FLI1: variants seen among roughly 807,000 people sequenced by gnomAD.
FLI1 encodes the protein Fli-1 proto-oncogene, ETS transcription factor, also known as Friend leukemia integration 1 transcription factor.
FLI1 carries 13 observed loss-of-function variants against 53.1 expected under a neutral mutation model. The observed-to-expected ratio is 0.24, with a 90% CI of 0.16 to 0.39. The LOEUF is 0.39. FLI1 is among the 10% of genes least tolerant of loss of function. The pLI is 1.00. For synonymous variants in FLI1, 244 were observed against 236.7 expected (o/e 1.03, Z -0.28); for missense variants, 424 against 600.5 (o/e 0.71, Z 3.07).
At chr11:128,703,267 A>G (rs959470963) in intron 1 of FLI1, among the ~76,000 whole-genome samples, 1 of 152,246 alleles carries the variant, frequency 6.6e-6, no homozygotes, top group Non-Finnish European at 1.5e-5. Context: ...TCCACAGAGC[A>G]ACATCTATTT....
intron 6 of FLI1, 188 bp downstream of exon 6, chr11:128,805,619 G>A (rs570983754): frequency 8.3e-5 from 45 of 539,306 alleles, no homozygotes; most frequent in Admixed American, 6.8e-4. Flanking sequence ...TGGGATTTTC[G>A]TTTAGATTTT....
chr11:128,747,216 T>C (rs1406470410), intron 1 of FLI1, among the ~76,000 whole-genome samples: 1 of 152,230 alleles, frequency 6.6e-6, no homozygotes, highest in East Asian at 1.9e-4. Flanking sequence ...ACCTGCCCTT[T>C]CTTTGTCCCA....
intron 2 of FLI1, among the ~76,000 whole-genome samples, chr11:128,767,905 G>C (rs111706367): frequency 5.3e-5 from 8 of 152,182 alleles, no homozygotes; most frequent in East Asian, 1.9e-4. Flanking sequence ...CAGTTTTTAC[G>C]TACTGTAATT....
chr11:128,803,569 T>G (rs1279040614), intron 5 of FLI1, among the ~76,000 whole-genome samples: 1 of 152,180 alleles, frequency 6.6e-6, no homozygotes, highest in Non-Finnish European at 1.5e-5. Flanking sequence ...TTATGTGTCC[T>G]CCATGCCTTA....
intron 1 of FLI1, among the ~76,000 whole-genome samples, chr11:128,709,583 G>A (rs147163903): frequency 2.3e-4 from 35 of 152,246 alleles, no homozygotes; most frequent in African/African-American, 6.5e-4. Flanking sequence ...GGGGGTTTAC[G>A]TAAAAACCGA....
chr11:128,794,847 G>A lies in FLI1; in HGVS notation c.656-10519G>A, dbSNP rs528868826. ...TCTCAACATTTTGGGAGGTCGAGGT[G>A]GAAAGATCACTTAAACTCAGGAGTT... On this transcript the variant is annotated intron_variant, in intron 5 of 8. Transcript: ENST00000527786. Among the ~76,000 whole-genome samples the A allele has an allele frequency of 7.9e-5, 12 of 152,220 alleles. No individual in the cohort carries two copies. The South Asian group carries it at 2.3e-3, about 29-fold the overall frequency.
At chr11:128,720,569 C>G (rs764636910) in intron 1 of FLI1, among the ~76,000 whole-genome samples, 1 of 152,132 alleles carries the variant, frequency 6.6e-6, no homozygotes, top group Non-Finnish European at 1.5e-5. Context: ...GATGGAAGCC[C>G]GTCCAAGACC....
rs772620694 is a variant in FLI1 at position 128,807,202 on chromosome 11, A to G, written c.744A>G (p.Gln248=). The G allele has an allele frequency of 1.2e-6, 2 of 1,600,614 alleles. No homozygotes were observed. Among genetic ancestry groups the G allele is most frequent in the Non-Finnish European group, 1.7e-6 (2 of 1,173,134 alleles). The change falls in exon 7 of 9, where the codon CAA becomes CAG. Residue 248 remains glutamine, a synonymous_variant. Transcript: ENST00000527786. ...CAGGTCCTCCCCTTGGAGGGGCACA[A>G]ACGATCAGTAAGAATACAGAGCAAC... is the stretch of plus-strand genomic sequence containing the variant. ...LNKSPPLGGA[Q]TISKNTEQRP...
intron 8 of FLI1, among the ~76,000 whole-genome samples, chr11:128,809,554 C>G (rs947132549): frequency 6.6e-6 from 1 of 152,176 alleles, no homozygotes; most frequent in African/African-American, 2.4e-5. Flanking sequence ...AGTTGTCTCC[C>G]GCATGCCAGG....
chr11:128,782,144 C>A (rs1591808954), intron 5 of FLI1, 121 bp downstream of exon 5: 1 of 824,492 alleles, frequency 1.2e-6, no homozygotes, highest in Non-Finnish European at 1.9e-6. Flanking sequence ...TCCTAGCATA[C>A]AAAGACAAGC....
chr11:128,706,873 C>A (rs1489048171), intron 1 of FLI1, among the ~76,000 whole-genome samples: 1 of 152,174 alleles, frequency 6.6e-6, no homozygotes, highest in Admixed American at 6.5e-5. Flanking sequence ...GGGTAAACAA[C>A]AAAACAAATG....
At chr11:128,766,595 A>G (rs1013245743) in intron 2 of FLI1, among the ~76,000 whole-genome samples, 21 of 151,840 alleles carry the variant, frequency 1.4e-4, no homozygotes, top group African/African-American at 5.1e-4. Context: ...TCTTTATTGA[A>G]TGTGCTCAGG....
chr11:128,740,947 T>G (rs1238052501), intron 1 of FLI1, among the ~76,000 whole-genome samples: 2 of 152,202 alleles, frequency 1.3e-5, no homozygotes, highest in African/African-American at 2.4e-5. Context: ...GATCCCGTTC[T>G]CATGCCAACG....
intron 5 of FLI1, among the ~76,000 whole-genome samples, chr11:128,782,561 G>A (rs1941949394): frequency 6.6e-6 from 1 of 152,116 alleles, no homozygotes; most frequent in African/African-American, 2.4e-5. Context: ...AGCCAGGTGT[G>A]GTGGCAGGTA....
intron 4 of FLI1, among the ~76,000 whole-genome samples, chr11:128,777,907 G>A (rs543109867): frequency 3.2e-4 from 49 of 152,288 alleles, no homozygotes; most frequent in African/African-American, 1.1e-3. Context: ...AGCAGAAACC[G>A]TGATTGTTGG....
intron 2 of FLI1, among the ~76,000 whole-genome samples, chr11:128,765,143 G>A (rs960086969): frequency 6.6e-6 from 1 of 152,162 alleles, no homozygotes; most frequent in Non-Finnish European, 1.5e-5. Context: ...AGTGGCAGCG[G>A]CCACCCCAGC....
chr11:128,755,689 G>A (rs1433920010), intron 1 of FLI1, among the ~76,000 whole-genome samples: 1 of 152,222 alleles, frequency 6.6e-6, no homozygotes, highest in Non-Finnish European at 1.5e-5. Flanking sequence ...GCTTTACTCT[G>A]AGCATGACTC....
chr11:128,745,303 A>C (rs1940332329), intron 1 of FLI1, among the ~76,000 whole-genome samples: 2 of 152,178 alleles, frequency 1.3e-5, no homozygotes, highest in South Asian at 4.1e-4. Flanking sequence ...GCAGAATGAA[A>C]TAGAGCACAG....
intron 6 of FLI1, chr11:128,805,917 T>C (rs1000407059): frequency 6.6e-6 from 1 of 151,998 alleles, no homozygotes; most frequent in Non-Finnish European, 1.5e-5. Flanking sequence ...TTATCTTCTG[T>C]CCCTGATGAG....
Sources: allele counts gnomAD v4.1 joint callset (sites outside exome capture counted in the v4.1 genomes callset), GRCh38; gene constraint gnomAD v4.1.1; transcripts MANE v1.5; gene names NCBI Gene and HGNC (gene_info 2026-07-23, HGNC 2026-07-21).